The following ZDHHC5 variants were observed in gnomAD, a reference collection of about 807,000 sequenced individuals.
ZDHHC5 encodes the protein palmitoyltransferase ZDHHC5.
Under a neutral mutation model 70.0 loss-of-function variants are expected in ZDHHC5, and 22 were observed. The ratio of observed to expected loss-of-function variants is 0.31; its 90% CI spans 0.22 to 0.45. ZDHHC5 has a LOEUF of 0.45. Ranked by LOEUF, ZDHHC5 falls within the 20% of genes least tolerant of loss-of-function variation. ZDHHC5 has a pLI of 1.00. For synonymous variants in ZDHHC5, 313 were observed against 347.8 expected, an observed-to-expected ratio of 0.90 and a Z score of 1.11; for missense variants, 746 against 926.9, an observed-to-expected ratio of 0.80 and a Z score of 2.53.
In ZDHHC5 at chr11:57,700,125, C is replaced by T; in HGVS notation, c.*94C>T. On this transcript the variant is annotated 3_prime_UTR_variant, in exon 12 of 12. Transcript: ENST00000287169. ...TCCCTCAAGGGGCTCCCCTCCCGTGCATGGACATTTTTTAAACCACCGATT... is the reference window on the plus strand; with the variant it reads ...TCCCTCAAGGGGCTCCCCTCCCGTGTATGGACATTTTTTAAACCACCGATT... The T allele has an allele frequency of 7.0e-7, 1 of 1,425,906 alleles. No homozygotes were observed. The highest frequency in any genetic ancestry group is 9.3e-7 in the Non-Finnish European group (1 of 1,073,696). 88.3% of individuals were successfully genotyped at this position (1,425,906 alleles called of 1,614,324 possible).
At position 57,690,097 on chromosome 11, in the gene ZDHHC5, C is replaced by A; in HGVS notation, c.451C>A (p.Leu151Ile). Reference protein sequence around the residue: ...IGRRNYRYFFLFLLSLTAHIM... With the variant: ...IGRRNYRYFFIFLLSLTAHIM... ...TCGCCGGAACTACCGTTATTTTTTCCTTTTCCTCCTTTCCCTGACAGCCCA... is the reference window on the plus strand; with the variant it reads ...TCGCCGGAACTACCGTTATTTTTTCATTTTCCTCCTTTCCCTGACAGCCCA... The change falls in exon 5 of 12, where the codon CTT (leucine) becomes ATT (isoleucine). Residue 151 changes from leucine to isoleucine, a missense_variant. Coordinates refer to ENST00000287169, the MANE Select transcript of ZDHHC5 (RefSeq NM_015457.3). 1 of 1,614,050 alleles carries A rather than the reference C, an allele frequency of 6.2e-7. No individual in the cohort carries two copies. Among genetic ancestry groups the A allele is most frequent in the Non-Finnish European group, 8.5e-7 (1 of 1,180,008 alleles).
intron 6 of ZDHHC5, among the ~76,000 whole-genome samples, chr11:57,690,810 G>A (rs1455938610): frequency 6.6e-6 from 1 of 152,150 alleles, no homozygotes; most frequent in African/African-American, 2.4e-5. Flanking sequence ...AGAACACTTG[G>A]TCACGGGGTG....
At position 57,673,138 on chromosome 11, in the gene ZDHHC5, G is replaced by A. The variant is rs142098848; in HGVS notation, c.48G>A (p.Pro16=). ...GKRFKPSKYV[P]VSAAAIFLVG... The stretch of plus-strand genomic sequence containing the variant: ...GATTCAAACCCAGCAAGTATGTCCC[G>A]GTCTCTGCAGCCGCCATCTTCCTAG... The change falls in exon 2 of 12, where the codon CCG becomes CCA. Residue 16 remains proline (P), a synonymous_variant. Coordinates refer to ENST00000287169, the MANE Select transcript of ZDHHC5 (RefSeq NM_015457.3). The A allele has an allele frequency of 2.8e-5, 45 of 1,613,852 alleles. No homozygotes were observed. In the African/African-American group the frequency reaches 3.6e-4, roughly 13 times the overall value.
At chr11:57,678,139 ATTC>A (rs988417508) in intron 2 of ZDHHC5, among the ~76,000 whole-genome samples, 16 of 152,202 alleles carry the variant, frequency 1.1e-4, no homozygotes, top group Non-Finnish European at 1.8e-4. Context: ...GCATAGACCT[ATTC>A]TTTAGGAGCT....
intron 2 of ZDHHC5, among the ~76,000 whole-genome samples, chr11:57,673,657 G>A (rs1004152213): frequency 6.6e-6 from 1 of 152,100 alleles, no homozygotes; most frequent in Non-Finnish European, 1.5e-5. Flanking sequence ...TGCAACGTCC[G>A]CCTCCCAAGT....
In ZDHHC5 at chr11:57,696,052, T is replaced by C; in HGVS notation, c.1009+9T>C. The C allele has an allele frequency of 6.2e-7, 1 of 1,604,102 alleles. No homozygotes were observed. Among genetic ancestry groups the C allele is most frequent in the African/African-American group, 1.3e-5 (1 of 74,490 alleles). The stretch of plus-strand genomic sequence containing the variant: ...CTTGGCTACTAATGAGGGTAAGGGC[T>C]GCCTTGATTTGCAAGATACTAGAAC... On this transcript the variant is annotated intron_variant, in intron 9 of 11. Coordinates refer to ENST00000287169, the MANE Select transcript of ZDHHC5 (RefSeq NM_015457.3).
chr11:57,683,153 T>C (rs1376974132), intron 3 of ZDHHC5, among the ~76,000 whole-genome samples: 2 of 152,214 alleles, frequency 1.3e-5, no homozygotes, highest in South Asian at 2.1e-4. Context: ...GAGGATGTTA[T>C]GCATGGTGTG....
At chr11:57,695,224 T>C in intron 8 of ZDHHC5, among the ~76,000 whole-genome samples, 1 of 152,110 alleles carries the variant, frequency 6.6e-6, no homozygotes, top group East Asian at 1.9e-4. Context: ...ATCATGCCAT[T>C]GCACTCCGCC....
chr11:57,680,564 A>G (rs1411606755), intron 2 of ZDHHC5, among the ~76,000 whole-genome samples: 1 of 152,214 alleles, frequency 6.6e-6, no homozygotes, highest in African/African-American at 2.4e-5. Flanking sequence ...TGGGCACCTC[A>G]GTGTTCTAAG....
At chr11:57,697,321 G>T (rs1408813754) in intron 10 of ZDHHC5, among the ~76,000 whole-genome samples, 1 of 152,154 alleles carries the variant, frequency 6.6e-6, no homozygotes, top group Non-Finnish European at 1.5e-5. Context: ...AAATTAGCCA[G>T]GCATGGTGGC....
intron 8 of ZDHHC5, among the ~76,000 whole-genome samples, chr11:57,694,132 C>T (rs1328236146): frequency 6.6e-6 from 1 of 151,332 alleles, no homozygotes; most frequent in Non-Finnish European, 1.5e-5. Flanking sequence ...GCTGGGATTA[C>T]AGGTGTCCGT....
chr11:57,673,864 G>C (rs1946037582), intron 2 of ZDHHC5, among the ~76,000 whole-genome samples: 1 of 152,208 alleles, frequency 6.6e-6, no homozygotes, highest in Non-Finnish European at 1.5e-5. Context: ...GAGCCACCAT[G>C]CTGGGCCGAC....
rs1946431507 is a variant in ZDHHC5, at chr11:57,700,676, A to G, written c.*645A>G. The G allele has an allele frequency of 6.6e-6, 1 of 152,554 alleles. No individual in the cohort carries two copies. Among genetic ancestry groups the G allele is most frequent in the African/African-American group, 2.4e-5 (1 of 41,420 alleles). The allele number at this position is 152,554 out of a possible 1,614,324, so 9.5% of individuals were successfully genotyped here. ...GAGAGGTGAGTCTGGAATTTTGGTC[A>G]CAAGAGGGAAGGACTTGGAGAGGAG... On this transcript the variant is annotated 3_prime_UTR_variant, in exon 12 of 12. Coordinates refer to ENST00000287169, the MANE Select transcript of ZDHHC5 (RefSeq NM_015457.3).
chr11:57,668,199 G>A lies in ZDHHC5; in HGVS notation c.-1071+12G>A, dbSNP rs1372011066. 2.8e-6 allele frequency: 1 copy of A among 363,332 alleles called. No homozygotes were observed. Among genetic ancestry groups the A allele is most frequent in the Non-Finnish European group, 4.9e-6 (1 of 203,558 alleles). The allele number at this position is 363,332 out of a possible 1,614,324, so 22.5% of individuals were successfully genotyped here. The stretch of plus-strand genomic sequence containing the variant: ...CACCGGGCTCGCGGGTGAGTGCGGA[G>A]GACACCGGTCCCTGCGGAACCGGAA... On this transcript the variant is annotated intron_variant, in intron 1 of 11. Coordinates refer to ENST00000287169, the MANE Select transcript of ZDHHC5 (RefSeq NM_015457.3).
intron 1 of ZDHHC5, among the ~76,000 whole-genome samples, chr11:57,670,682 C>T (rs1945994224): frequency 6.6e-6 from 1 of 152,110 alleles, no homozygotes; most frequent in Non-Finnish European, 1.5e-5. Flanking sequence ...TCTAATACTG[C>T]TGTTTGGCCC....
At chr11:57,695,882 A>T in intron 8 of ZDHHC5, 38 bp from the exon 9 acceptor site, 1 of 1,602,256 alleles carries the variant, frequency 6.2e-7, no homozygotes, top group South Asian at 1.1e-5. Flanking sequence ...ATAATGCTCA[A>T]TTTCTAAATC....
intron 3 of ZDHHC5, among the ~76,000 whole-genome samples, chr11:57,686,925 G>C (rs1484219857): frequency 1.3e-5 from 2 of 151,152 alleles, no homozygotes; most frequent in Non-Finnish European, 2.9e-5. Context: ...CTGCCTCCCA[G>C]ATTCAAGCCA....
chr11:57,690,020 T>A lies in ZDHHC5; in HGVS notation c.385-11T>A. ...CAGGGATGCCTCTCATCTGTCTCTC[T>A]TTGTCCCTAGGAATTTGATCATCAC... On this transcript the variant is annotated splice_polypyrimidine_tract_variant and intron_variant, in intron 4 of 11. Coordinates refer to ENST00000287169, the MANE Select transcript of ZDHHC5 (RefSeq NM_015457.3). 5 of 1,613,938 alleles carry A rather than the reference T, an allele frequency of 3.1e-6. No individual in the cohort carries two copies. The highest frequency in any genetic ancestry group is 4.2e-6 in the Non-Finnish European group (5 of 1,179,848).
chr11:57,670,639 C>T (rs1328714200), intron 1 of ZDHHC5, among the ~76,000 whole-genome samples: 2 of 151,992 alleles, frequency 1.3e-5, no homozygotes, highest in Non-Finnish European at 2.9e-5. Context: ...AGGACTATAA[C>T]AGTTTCTTAG....
Sources: gnomAD v4.1 joint callset for allele counts (sites outside exome capture counted in the v4.1 genomes callset) on GRCh38, gnomAD v4.1.1 for gene constraint, MANE v1.5 for transcripts, NCBI Gene and HGNC (gene_info 2026-07-23, HGNC 2026-07-21) for gene names.